Variants in SLIT3 observed in about 807,000 individuals in gnomAD.
SLIT3 encodes the protein slit homolog 3 protein.
Under a neutral mutation model 184.0 loss-of-function variants are expected in SLIT3, and 68 were observed. The observed-to-expected ratio is 0.37, with a 90% CI of 0.30 to 0.45. The LOEUF (loss-of-function observed/expected upper bound fraction) is 0.45. Among genes scored for constraint, SLIT3 ranks in the 20% least tolerant of loss-of-function variants. The pLI is 1.00. For synonymous variants in SLIT3, 831 were observed against 828.6 expected, an observed-to-expected ratio of 1.00 and a Z score of -0.05; for missense variants, 1,707 against 2,026.0, an observed-to-expected ratio of 0.84 and a Z score of 3.02.
In SLIT3 at chr5:169,221,856, G is replaced by A. The variant is rs534577750; in HGVS notation, c.341+22849C>T. ...TCTCTGCCTCATCCAGACAGTCAAG[G>A]TTGCAGAGATTGCTTTACATCTTAA... On this transcript the variant is annotated intron_variant, in intron 3 of 35. Coordinates refer to ENST00000519560, the MANE Select transcript of SLIT3 (RefSeq NM_003062.4). Among the ~76,000 whole-genome samples, 384 of 152,296 alleles carry A rather than the reference G, an allele frequency of 2.5e-3. 2 individuals carry two copies. The highest frequency in any genetic ancestry group is 8.9e-3 in the African/African-American group (370 of 41,552).
chr5:169,283,259 G>A (rs1382019694), intron 1 of SLIT3, among the ~76,000 whole-genome samples: 1 of 152,150 alleles, frequency 6.6e-6, no homozygotes, highest in African/African-American at 2.4e-5. Context: ...TGAGTGAAAG[G>A]GAATTCTCTA....
At chr5:168,936,237 C>T (rs567815685) in intron 4 of SLIT3, among the ~76,000 whole-genome samples, 4 of 152,142 alleles carry the variant, frequency 2.6e-5, no homozygotes, top group African/African-American at 9.6e-5. Context: ...TCCTGGGCCA[C>T]GGTTTTTCTT....
At chr5:168,963,165 C>T (rs193271651) in intron 4 of SLIT3, among the ~76,000 whole-genome samples, 6 of 152,174 alleles carry the variant, frequency 3.9e-5, no homozygotes, top group Non-Finnish European at 5.9e-5. Context: ...TGCAGTCACT[C>T]ATGCTTATTT....
At chr5:169,260,105 C>T (rs981172109) in intron 1 of SLIT3, among the ~76,000 whole-genome samples, 1 of 152,048 alleles carries the variant, frequency 6.6e-6, no homozygotes, top group African/African-American at 2.4e-5. Context: ...ACTCTTTCCC[C>T]TCCTTCTCAC....
intron 4 of SLIT3, among the ~76,000 whole-genome samples, chr5:168,990,779 C>G (rs1489737993): frequency 6.6e-6 from 1 of 152,186 alleles, no homozygotes; most frequent in Non-Finnish European, 1.5e-5. Flanking sequence ...CCTCAGCTGA[C>G]TGCTGGGTCA....
chr5:169,104,321 G>T (rs905032956), intron 4 of SLIT3, among the ~76,000 whole-genome samples: 1 of 152,168 alleles, frequency 6.6e-6, no homozygotes, highest in East Asian at 1.9e-4. Flanking sequence ...AAAGGGGCAA[G>T]AAATAAATAA....
intron 4 of SLIT3, among the ~76,000 whole-genome samples, chr5:169,085,570 T>C (rs1374667846): frequency 6.6e-6 from 1 of 152,168 alleles, no homozygotes; most frequent in African/African-American, 2.4e-5. Flanking sequence ...GCCACATGCA[T>C]GGCTGTTTAA....
chr5:168,901,232 C>T (rs1561996140), intron 4 of SLIT3, among the ~76,000 whole-genome samples: 1 of 151,940 alleles, frequency 6.6e-6, no homozygotes. Context: ...GGCGTGGCGG[C>T]GGGCGCCTGT....
intron 5 of SLIT3, among the ~76,000 whole-genome samples, chr5:168,875,172 G>A (rs564804433): frequency 1.5e-4 from 20 of 136,688 alleles, no homozygotes; most frequent in Non-Finnish European, 2.7e-4. Flanking sequence ...AAAGAGGAAA[G>A]AAGGGAGGAA....
intron 20 of SLIT3, among the ~76,000 whole-genome samples, chr5:168,733,965 A>G (rs1200100124): frequency 3.9e-5 from 6 of 152,128 alleles, no homozygotes; most frequent in Non-Finnish European, 7.3e-5. Flanking sequence ...GTTCTTGCTT[A>G]TGAGTGGGAG....
At chr5:168,836,251 T>A (rs1366824155) in intron 6 of SLIT3, among the ~76,000 whole-genome samples, 1 of 152,216 alleles carries the variant, frequency 6.6e-6, no homozygotes, top group East Asian at 1.9e-4. Flanking sequence ...GTTTGGCTGT[T>A]CAAGAGGAAC....
chr5:168,817,338 T>C lies in SLIT3; in HGVS notation c.755A>G (p.Asn252Ser). Reference sequence around the variant, plus strand: ...CTCCTTCTTCTGCACATCCGCCACGTTGAAGCCCCTCAAATGCACAGGAGC... The same window carrying C: ...CTCCTTCTTCTGCACATCCGCCACGCTGAAGCCCCTCAAATGCACAGGAGC... Reference protein sequence around the residue: ...CMAPVHLRGFNVADVQKKEYV... With the variant: ...CMAPVHLRGFSVADVQKKEYV... The change falls in exon 8 of 36, where the codon AAC (asparagine) becomes AGC (serine). Residue 252 changes from asparagine (N) to serine (S), a missense_variant. Transcript: ENST00000519560. 1.9e-6 allele frequency: 3 copies of C among 1,614,158 alleles called. No individual in the cohort carries two copies. The highest frequency in any genetic ancestry group is 2.5e-6 in the Non-Finnish European group (3 of 1,180,026).
chr5:168,713,394 C>G (rs1762621325), intron 23 of SLIT3, among the ~76,000 whole-genome samples: 1 of 152,176 alleles, frequency 6.6e-6, no homozygotes, highest in Non-Finnish European at 1.5e-5. Flanking sequence ...GCTCCGTGCT[C>G]AAGTAGCAAC....
chr5:169,140,308 C>CAAAAA (rs10536624), intron 4 of SLIT3, among the ~76,000 whole-genome samples: 7 of 42,054 alleles, frequency 1.7e-4, no homozygotes, highest in African/African-American at 4.7e-4. Flanking sequence ...ACTAAAAATG[C>CAAAAA]AAAAAAAAAA....
At chr5:168,706,997 G>A (rs11743039) in intron 26 of SLIT3, 1,903 of 152,412 alleles carry the variant, frequency 0.012, 24 homozygotes, top group Non-Finnish European at 0.022. Flanking sequence ...GCCCTGGGAA[G>A]GCTGGAAGCT....
At chr5:168,816,897 T>G (rs1757349061) in intron 8 of SLIT3, among the ~76,000 whole-genome samples, 1 of 152,338 alleles carries the variant, frequency 6.6e-6, no homozygotes, top group South Asian at 2.1e-4. Flanking sequence ...GCCAAGCAGC[T>G]GACTCCAGAG....
At chr5:169,247,559 T>C (rs1452476213) in intron 2 of SLIT3, among the ~76,000 whole-genome samples, 1 of 152,204 alleles carries the variant, frequency 6.6e-6, no homozygotes. Context: ...TTCAAGCTTC[T>C]TTCAGAGATG....
At chr5:169,097,799 C>T (rs992284525) in intron 4 of SLIT3, among the ~76,000 whole-genome samples, 5 of 152,150 alleles carry the variant, frequency 3.3e-5, no homozygotes, top group African/African-American at 4.8e-5. Context: ...GATGCTGCTT[C>T]TCATCTGCCC....
At chr5:169,078,145 C>T (rs1758819681) in intron 4 of SLIT3, among the ~76,000 whole-genome samples, 1 of 152,154 alleles carries the variant, frequency 6.6e-6, no homozygotes. Context: ...TGACCTCAAC[C>T]ACCCACTGCT....
Sources: gnomAD v4.1 joint callset for allele counts (sites outside exome capture counted in the v4.1 genomes callset) on GRCh38, gnomAD v4.1.1 for gene constraint, MANE v1.5 for transcripts, NCBI Gene and HGNC (gene_info 2026-07-23, HGNC 2026-07-21) for gene names.